Variants in MGAT5B observed in about 807,000 individuals in gnomAD.
The protein encoded by MGAT5B is alpha-1,6-mannosylglycoprotein 6-beta-N-acetylglucosaminyltransferase B.
A neutral mutation model predicts 95.1 loss-of-function variants in MGAT5B; 54 were observed. The observed-to-expected ratio is 0.57, with a 90% CI of 0.46 to 0.71. The LOEUF (loss-of-function observed/expected upper bound fraction) is 0.71. Among genes scored for constraint, MGAT5B ranks in the 30% least tolerant of loss-of-function variants. The pLI, the probability that MGAT5B is intolerant of heterozygous loss-of-function variation, is 0.00. For missense variants in MGAT5B, 935 were observed against 1,088.6 expected (o/e 0.86, Z 1.99); for synonymous variants, 464 against 451.0 (o/e 1.03, Z -0.36).
intron 4 of MGAT5B, 133 bp from the exon 5 acceptor site, chr17:76,903,170 T>G: frequency 1.5e-6 from 1 of 671,996 alleles, no homozygotes; most frequent in Non-Finnish European, 2.5e-6. Context: ...GTGGGTGGGT[T>G]GTGCGGCTGA....
At chr17:76,924,563 G>A (rs1969236020) in intron 8 of MGAT5B, 1 of 179,820 alleles carries the variant, frequency 5.6e-6, no homozygotes, top group South Asian at 1.5e-4. Flanking sequence ...GAGGCAGGAG[G>A]TTTGGGGCCC....
intron 8 of MGAT5B, among the ~76,000 whole-genome samples, chr17:76,921,006 C>T (rs946335582): frequency 1.3e-5 from 2 of 152,164 alleles, no homozygotes; most frequent in Non-Finnish European, 2.9e-5. Context: ...AAGGGGCCTC[C>T]AGGTGGGAAG....
At chr17:76,926,533 A>G in intron 9 of MGAT5B, 64 bp from the exon 10 acceptor site, 1 of 1,522,090 alleles carries the variant, frequency 6.6e-7, no homozygotes, top group Non-Finnish European at 8.9e-7. Flanking sequence ...TGGCTGGGGC[A>G]ACTTCAGCCC....
chr17:76,929,850 A>T (rs1275973573), intron 10 of MGAT5B, among the ~76,000 whole-genome samples: 3 of 152,162 alleles, frequency 2.0e-5, no homozygotes, highest in Admixed American at 6.5e-5. Flanking sequence ...TGGTTGCAAT[A>T]CTTCCCTGTC....
At chr17:76,936,386 C>T (rs141417751) in intron 12 of MGAT5B, among the ~76,000 whole-genome samples, 6 of 152,128 alleles carry the variant, frequency 3.9e-5, no homozygotes, top group African/African-American at 7.2e-5. Context: ...CCAGCCTGGG[C>T]GACAGAGGGA....
chr17:76,923,273 A>G (rs1019009716), intron 8 of MGAT5B, among the ~76,000 whole-genome samples: 1 of 152,202 alleles, frequency 6.6e-6, no homozygotes. Context: ...CTTGCCGTTA[A>G]TGAGGAGGTG....
chr17:76,933,477 G>A (rs146061959), intron 12 of MGAT5B, among the ~76,000 whole-genome samples, 180 bp downstream of exon 12: 100 of 152,302 alleles, frequency 6.6e-4, no homozygotes, highest in Non-Finnish European at 8.8e-4. Flanking sequence ...CCTAGGAGCC[G>A]TCTTTCCTGG....
chr17:76,919,231 T>C (rs2034260672), intron 8 of MGAT5B, among the ~76,000 whole-genome samples: 3 of 152,156 alleles, frequency 2.0e-5, no homozygotes. Flanking sequence ...ATCCTCCTCT[T>C]TGATATTTTA....
At chr17:76,890,386 G>T (rs1428527284) in intron 3 of MGAT5B, among the ~76,000 whole-genome samples, 1 of 152,230 alleles carries the variant, frequency 6.6e-6, no homozygotes, top group Admixed American at 6.5e-5. Context: ...TTAAAACTAG[G>T]TATGTGTGCT....
chr17:76,900,244 G>A (rs184630634), intron 3 of MGAT5B, among the ~76,000 whole-genome samples: 174 of 152,282 alleles, frequency 1.1e-3, no homozygotes, highest in African/African-American at 3.9e-3. Flanking sequence ...TCTTCCTGAG[G>A]ACTTTTTGAG....
chr17:76,887,458 C>G (rs1412724855), intron 3 of MGAT5B, among the ~76,000 whole-genome samples: 1 of 106,032 alleles, frequency 9.4e-6, no homozygotes, highest in Non-Finnish European at 1.9e-5. Flanking sequence ...TTCCTTCCTC[C>G]CTCCCTCCCT....
intron 3 of MGAT5B, among the ~76,000 whole-genome samples, chr17:76,889,000 A>G (rs900760192): frequency 4.6e-5 from 7 of 152,168 alleles, no homozygotes; most frequent in African/African-American, 1.7e-4. Flanking sequence ...GGCCTTGGGA[A>G]GAGGGGTGGG....
Position 76,869,266 on chromosome 17 carries a change from C to T in MGAT5B, c.68+169C>T, listed in dbSNP as rs535755484. Among the ~76,000 whole-genome samples the T allele has an allele frequency of 2.2e-4, 32 of 148,312 alleles. No individual in the cohort carries two copies. The highest frequency in any genetic ancestry group is 1.1e-3 in the Admixed American group (16 of 14,972). On this transcript the variant is annotated intron_variant, in intron 1 of 17. Transcript: ENST00000569840. This position sits in a 1 kb window ranked among gnomAD's most constrained non-coding sequence, Gnocchi z 7.0. ...TGGGGGAACGGATGGCGTTGGGGTT[C>T]GGGGTGCGGATGGGGAGGGTTGTGT... is the stretch of plus-strand genomic sequence containing the variant.
intron 10 of MGAT5B, among the ~76,000 whole-genome samples, chr17:76,931,866 C>T (rs944585308): frequency 3.9e-5 from 6 of 151,980 alleles, no homozygotes; most frequent in African/African-American, 1.2e-4. Flanking sequence ...AGGTGGAGGG[C>T]GAAAAGATGG....
chr17:76,932,063 T>TC (rs1308243989), intron 10 of MGAT5B, among the ~76,000 whole-genome samples: 1 of 140,106 alleles, frequency 7.1e-6, no homozygotes. Context: ...TCCTCCTCCT[T>TC]TTTTCCTCCT....
At chr17:76,883,884 C>T (rs1186228270) in intron 3 of MGAT5B, among the ~76,000 whole-genome samples, 1 of 152,186 alleles carries the variant, frequency 6.6e-6, no homozygotes, top group East Asian at 1.9e-4. Context: ...GGAGGGATGC[C>T]TGCCTGAGTC....
intron 1 of MGAT5B, 114 bp from the exon 2 acceptor site, chr17:76,872,737 G>A: frequency 6.3e-7 from 1 of 1,583,366 alleles, no homozygotes; most frequent in Non-Finnish European, 8.6e-7. Context: ...ATTCTCCCTT[G>A]CTTCCTTCAC....
At position 76,875,653 on chromosome 17, in the gene MGAT5B, C is replaced by CTTTTTTTTTT. The variant is rs547158669; in HGVS notation, c.181+2706_181+2715dup. On this transcript the variant is annotated intron_variant, in intron 2 of 17. Transcript: ENST00000569840. ...TTGTATGCGGTTGTAGTCACTTGCA[C>CTTTTTTTTTT]TTTTTTTTTTTTTTTTTTTTTTTTT... is the stretch of plus-strand genomic sequence containing the variant. Among the ~76,000 whole-genome samples, 110 of 67,104 alleles carry CTTTTTTTTTT rather than the reference C, an allele frequency of 1.6e-3. 5 individuals are homozygous for CTTTTTTTTTT. Among genetic ancestry groups the CTTTTTTTTTT allele is most frequent in the African/African-American group, 2.7e-3 (40 of 15,082 alleles). The allele number at this position is 67,104 out of a possible 152,430, so 44.0% of individuals were successfully genotyped here.
intron 3 of MGAT5B, among the ~76,000 whole-genome samples, chr17:76,902,088 G>A (rs749886612): frequency 3.9e-5 from 6 of 151,940 alleles, no homozygotes; most frequent in African/African-American, 1.5e-4. Context: ...AGTTGTGGGC[G>A]CACATGCAGT....
Sources: gnomAD v4.1 joint callset for allele counts (sites outside exome capture counted in the v4.1 genomes callset) on GRCh38, gnomAD v4.1.1 for gene constraint, Gnocchi (gnomAD v3.1) non-coding constraint, MANE v1.5 for transcripts, NCBI Gene and HGNC (gene_info 2026-07-23, HGNC 2026-07-21) for gene names.